The following EYS variants were observed in gnomAD, a reference collection of about 807,000 sequenced individuals.
EYS encodes the protein protein eyes shut homolog.
In EYS, 250 loss-of-function variants were observed where a neutral mutation model predicts 282.1. The ratio of observed to expected loss-of-function variants is 0.89; its 90% CI spans 0.80 to 0.98. EYS has a LOEUF of 0.98. EYS is among the 50% of genes least tolerant of loss of function. The pLI is 0.00. For missense variants in EYS, 4,016 were observed against 3,709.0 expected (o/e 1.08, Z -2.15); for synonymous variants, 1,355 against 1,282.9 (o/e 1.06, Z -1.20).
rs114210554 is a variant in EYS, at chr6:65,603,576, A to T, written c.-333+36202T>A. On this transcript the variant is annotated intron_variant, in intron 2 of 42. Transcript: ENST00000503581. Reference sequence around the variant, plus strand: ...GAAATGAAAATAATAGAAGCTTAATACATTAACCTGGAAACACTTTATAAT... The same window carrying T: ...GAAATGAAAATAATAGAAGCTTAATTCATTAACCTGGAAACACTTTATAAT... Among the ~76,000 whole-genome samples the T allele has an allele frequency of 3.5e-3, 530 of 152,092 alleles. 3 individuals are homozygous for T. The highest frequency in any genetic ancestry group is 0.012 in the African/African-American group (512 of 41,556).
At chr6:65,187,753 T>C (rs2150237543) in intron 12 of EYS, among the ~76,000 whole-genome samples, 1 of 151,850 alleles carries the variant, frequency 6.6e-6, no homozygotes, top group African/African-American at 2.4e-5. Flanking sequence ...AGAAAGCGTT[T>C]CATTCAAACT....
At chr6:65,653,754 C>A (rs1272081006) in intron 1 of EYS, among the ~76,000 whole-genome samples, 1 of 151,808 alleles carries the variant, frequency 6.6e-6, no homozygotes, top group Admixed American at 6.6e-5. Flanking sequence ...AGAGTGGTGA[C>A]TTTAGAGAAC....
At position 64,592,066 on chromosome 6, in the gene EYS, A is replaced by G. The variant is rs928730827; in HGVS notation, c.3878-77T>C. On this transcript the variant is annotated intron_variant, in intron 25 of 42. Transcript: ENST00000503581. The stretch of plus-strand genomic sequence containing the variant: ...CCACTTTGGCACTGGGATAAATCTC[A>G]GGCAAATTGCACTGGCACCTTACAT... 5.8e-6 allele frequency: 6 copies of G among 1,040,816 alleles called. 1 individual carries two copies. Among genetic ancestry groups the G allele is most frequent in the African/African-American group, 4.8e-5 (3 of 62,538 alleles). The allele number at this position is 1,040,816 out of a possible 1,614,324, so 64.5% of individuals were successfully genotyped here.
chr6:65,172,982 TAA>T (rs10542329), intron 12 of EYS, among the ~76,000 whole-genome samples: 13,071 of 145,636 alleles, frequency 0.09, 1,294 homozygotes, highest in African/African-American at 0.25. Flanking sequence ...CCTGGAAATT[TAA>T]AAAAAAAAAA....
At chr6:63,858,835 A>G (rs1338673936) in intron 36 of EYS, among the ~76,000 whole-genome samples, 2 of 152,152 alleles carry the variant, frequency 1.3e-5, no homozygotes, top group Non-Finnish European at 2.9e-5. Context: ...TATGAGCTTA[A>G]CATGACAGAA....
intron 30 of EYS, among the ~76,000 whole-genome samples, chr6:64,300,976 A>G (rs1396870352): frequency 6.6e-6 from 1 of 152,234 alleles, no homozygotes; most frequent in East Asian, 1.9e-4. Context: ...TTCTGATTGC[A>G]AGGTTATTCA....
chr6:65,408,278 G>T (rs917990479), intron 5 of EYS, among the ~76,000 whole-genome samples: 5 of 151,926 alleles, frequency 3.3e-5, no homozygotes, highest in African/African-American at 1.2e-4. Context: ...CTTTGGTTTT[G>T]GTATGAGGGT....
chr6:64,918,533 G>T (rs1381363923), intron 15 of EYS, among the ~76,000 whole-genome samples: 1 of 152,152 alleles, frequency 6.6e-6, no homozygotes, highest in Admixed American at 6.5e-5. Flanking sequence ...GGACAGCTTG[G>T]AAGCATGAAG....
chr6:64,754,880 G>A (rs1772882241), intron 22 of EYS, among the ~76,000 whole-genome samples: 1 of 152,176 alleles, frequency 6.6e-6, no homozygotes, highest in East Asian at 1.9e-4. Flanking sequence ...AGATACTGGA[G>A]CAAGACAAGG....
At chr6:64,681,727 G>A (rs1769905536) in intron 22 of EYS, among the ~76,000 whole-genome samples, 1 of 152,182 alleles carries the variant, frequency 6.6e-6, no homozygotes, top group South Asian at 2.1e-4. Flanking sequence ...CAAGGTTAAG[G>A]AGAGCGCTTT....
At chr6:64,556,981 TC>T (rs1765253218) in intron 26 of EYS, among the ~76,000 whole-genome samples, 1 of 152,008 alleles carries the variant, frequency 6.6e-6, no homozygotes, top group East Asian at 1.9e-4. Flanking sequence ...AGGAATATTT[TC>T]TAAGTTAAGA....
intron 35 of EYS, among the ~76,000 whole-genome samples, chr6:63,915,413 T>C (rs1764396926): frequency 6.6e-6 from 1 of 152,206 alleles, no homozygotes; most frequent in Non-Finnish European, 1.5e-5. Context: ...TCATTGACAA[T>C]GCACCTGGTT....
intron 36 of EYS, among the ~76,000 whole-genome samples, chr6:63,807,780 T>C (rs1228465558): frequency 6.6e-6 from 1 of 152,144 alleles, no homozygotes; most frequent in Non-Finnish European, 1.5e-5. Context: ...GAAAACTTTA[T>C]AATTTGTGTC....
At chr6:65,397,624 GTGTGTGTA>G (rs1766336707) in intron 7 of EYS, among the ~76,000 whole-genome samples, 7 of 113,496 alleles carry the variant, frequency 6.2e-5, no homozygotes, top group Admixed American at 5.1e-4. Context: ...GTGTGTGTGT[GTGTGTGTA>G]TCATGTTTTT....
At chr6:64,925,258 G>A (rs1427795811) in intron 15 of EYS, among the ~76,000 whole-genome samples, 1 of 152,136 alleles carries the variant, frequency 6.6e-6, no homozygotes, top group Non-Finnish European at 1.5e-5. Flanking sequence ...CACAAGAATA[G>A]TGCGGGAAAG....
chr6:65,245,586 T>G, intron 12 of EYS, among the ~76,000 whole-genome samples: 1 of 152,046 alleles, frequency 6.6e-6, no homozygotes, highest in East Asian at 1.9e-4. Context: ...TCAGTTCTTG[T>G]GCGTTTCCCT....
At chr6:64,621,380 A>C (rs1224361542) in intron 23 of EYS, among the ~76,000 whole-genome samples, 1 of 152,114 alleles carries the variant, frequency 6.6e-6, no homozygotes, top group Non-Finnish European at 1.5e-5. Flanking sequence ...ATAAACCTAA[A>C]CCTAAAATAA....
At chr6:64,446,573 G>A (rs1344833340) in intron 26 of EYS, among the ~76,000 whole-genome samples, 1 of 150,750 alleles carries the variant, frequency 6.6e-6, no homozygotes, top group African/African-American at 2.4e-5. Flanking sequence ...TTTTTGTTTT[G>A]TTTTGGTTAG....
chr6:64,890,464 T>G (rs985098289), intron 18 of EYS, among the ~76,000 whole-genome samples: 2 of 152,062 alleles, frequency 1.3e-5, no homozygotes, highest in African/African-American at 4.8e-5. Context: ...AGCTTTAAAA[T>G]TTCCCTCTTT....
Sources: allele counts gnomAD v4.1 joint callset (sites outside exome capture counted in the v4.1 genomes callset), GRCh38; gene constraint gnomAD v4.1.1; transcripts MANE v1.5; gene names NCBI Gene and HGNC (gene_info 2026-07-23, HGNC 2026-07-21).